Variants in RBFOX1 observed in about 807,000 individuals in gnomAD.
RBFOX1 encodes RNA binding fox-1 homolog 1, also known as RNA binding protein fox-1 homolog 1.
A neutral mutation model predicts 57.7 loss-of-function variants in RBFOX1; 8 were observed. The ratio of observed to expected loss-of-function variants is 0.14; its 90% confidence interval spans 0.08 to 0.25. RBFOX1 has a LOEUF of 0.25. RBFOX1 is among the 10% of genes least tolerant of loss of function. RBFOX1 has a pLI of 1.00. For missense variants in RBFOX1, 611 were observed against 548.5 expected, an observed-to-expected ratio of 1.11 and a Z score of -1.14; for synonymous variants, 326 against 222.4, an observed-to-expected ratio of 1.47 and a Z score of -4.15.
chr16:5,261,556 T>G (rs1433795664), intron 1 of RBFOX1, among the ~76,000 whole-genome samples: 1 of 149,880 alleles, frequency 6.7e-6, no homozygotes, highest in Non-Finnish European at 1.5e-5. Flanking sequence ...ATGGTTTTTT[T>G]TTTTTTTTTT....
chr16:6,312,669 C>G (rs895398193), intron 1 of RBFOX1, among the ~76,000 whole-genome samples: 2 of 120,776 alleles, frequency 1.7e-5, no homozygotes, highest in Admixed American at 8.0e-5. Flanking sequence ...TCCTTCCTTC[C>G]TTCCTTCCTT....
At chr16:6,307,548 CATT>C (rs2079665811) in intron 1 of RBFOX1, among the ~76,000 whole-genome samples, 2 of 145,966 alleles carry the variant, frequency 1.4e-5, no homozygotes, top group South Asian at 2.2e-4. Context: ...TATATTAAGT[CATT>C]ATATAATATC....
chr16:7,333,145 T>C (rs971628399), intron 4 of RBFOX1: 61 of 1,520,604 alleles, frequency 4.0e-5, no homozygotes, highest in Non-Finnish European at 4.5e-5. Flanking sequence ...AGAGTAATAA[T>C]TGGAATTTTT....
At chr16:6,479,299 G>T (rs2095332622) in intron 2 of RBFOX1, among the ~76,000 whole-genome samples, 1 of 152,196 alleles carries the variant, frequency 6.6e-6, no homozygotes, top group Non-Finnish European at 1.5e-5. Flanking sequence ...GCAGGTGAGA[G>T]AGAGCCAGAA....
intron 3 of RBFOX1, among the ~76,000 whole-genome samples, chr16:6,800,013 C>G (rs78642627): frequency 3.3e-5 from 5 of 152,256 alleles, no homozygotes; most frequent in Admixed American, 3.3e-4. Flanking sequence ...CCTATTAGTT[C>G]TGTCCCTCTG....
chr16:7,555,007 A>G (rs1173637890), intron 5 of RBFOX1, among the ~76,000 whole-genome samples: 1 of 152,182 alleles, frequency 6.6e-6, no homozygotes, highest in Non-Finnish European at 1.5e-5. Flanking sequence ...AGTATTGCAT[A>G]TTTATAAAAT....
At chr16:5,735,722 C>A (rs1487606381) in intron 3 of RBFOX1, among the ~76,000 whole-genome samples, 2 of 152,016 alleles carry the variant, frequency 1.3e-5, no homozygotes, top group Admixed American at 6.6e-5. Context: ...CATGGTGAAA[C>A]CCTGTTTAGC....
At chr16:5,776,998 A>G (rs1032650696) in intron 3 of RBFOX1, among the ~76,000 whole-genome samples, 2 of 152,222 alleles carry the variant, frequency 1.3e-5, no homozygotes, top group Non-Finnish European at 2.9e-5. Flanking sequence ...AAGTGCAGTT[A>G]TGGCCACCAT....
In RBFOX1 at chr16:6,780,035, TTA is replaced by T. The variant is rs1244891508; in HGVS notation, c.-16+125393_-16+125394del. Among the ~76,000 whole-genome samples the T allele has an allele frequency of 6.8e-4, 19 of 27,984 alleles. 3 individuals are homozygous for T. Among genetic ancestry groups the T allele is most frequent in the African/African-American group, 3.2e-3 (16 of 4,962 alleles). 18.4% of individuals were successfully genotyped at this position (27,984 alleles called of 152,430 possible). ...TATATATTTATATATTTATATATAT[TTA>T]TATATATTTACATATTTATATATAT... is the stretch of plus-strand genomic sequence containing the variant. On this transcript the variant is annotated intron_variant, in intron 3 of 15. Transcript: ENST00000550418.
intron 4 of RBFOX1, among the ~76,000 whole-genome samples, chr16:7,477,076 T>G (rs918677447): frequency 6.6e-6 from 1 of 152,154 alleles, no homozygotes; most frequent in Non-Finnish European, 1.5e-5. Flanking sequence ...AGTTTCTTTA[T>G]TTTCCTTCCC....
chr16:5,788,685 C>G (rs1166219398), intron 3 of RBFOX1, among the ~76,000 whole-genome samples: 3 of 152,024 alleles, frequency 2.0e-5, no homozygotes, highest in Non-Finnish European at 4.4e-5. Context: ...AAAGATAGGC[C>G]TTATTTAGCA....
At chr16:6,172,052 A>T (rs1054848256) in intron 1 of RBFOX1, among the ~76,000 whole-genome samples, 12 of 151,884 alleles carry the variant, frequency 7.9e-5, no homozygotes, top group Admixed American at 6.6e-5. Flanking sequence ...CGATCTCCTG[A>T]CCTCATGATA....
chr16:5,485,345 C>CTCAAA (rs2069692090), intron 2 of RBFOX1, among the ~76,000 whole-genome samples: 2 of 51,692 alleles, frequency 3.9e-5, no homozygotes, highest in African/African-American at 1.4e-4. Context: ...GACTCCGTGT[C>CTCAAA]AAAAAAAAAA....
chr16:7,121,409 A>T (rs1337208405), intron 4 of RBFOX1, among the ~76,000 whole-genome samples: 2 of 152,170 alleles, frequency 1.3e-5, no homozygotes, highest in African/African-American at 4.8e-5. Context: ...AATATCAATC[A>T]TATATCTATA....
chr16:6,857,454 A>G (rs141422012), intron 3 of RBFOX1, among the ~76,000 whole-genome samples: 14 of 152,254 alleles, frequency 9.2e-5, no homozygotes, highest in Admixed American at 5.9e-4. Flanking sequence ...CCATTTTTCT[A>G]TTTACATGGT....
intron 3 of RBFOX1, among the ~76,000 whole-genome samples, chr16:5,618,101 C>G (rs1834745642): frequency 6.6e-6 from 1 of 152,174 alleles, no homozygotes; most frequent in African/African-American, 2.4e-5. Flanking sequence ...CCACTCAGAT[C>G]ATGATGTAAA....
At chr16:5,917,857 G>A (rs1348828255) in intron 4 of RBFOX1, among the ~76,000 whole-genome samples, 1 of 152,120 alleles carries the variant, frequency 6.6e-6, no homozygotes, top group Non-Finnish European at 1.5e-5. Context: ...GCAGGGTCTA[G>A]CCCCTGGTCC....
At chr16:6,663,271 G>T (rs184573637) in intron 3 of RBFOX1, among the ~76,000 whole-genome samples, 1 of 152,110 alleles carries the variant, frequency 6.6e-6, no homozygotes, top group East Asian at 1.9e-4. Context: ...TGTCACAGAC[G>T]GCTCAGCTTA....
chr16:6,593,212 A>T (rs1017190846), intron 2 of RBFOX1, among the ~76,000 whole-genome samples: 1 of 152,136 alleles, frequency 6.6e-6, no homozygotes, highest in Non-Finnish European at 1.5e-5. Flanking sequence ...AATAAAAAAG[A>T]GAGTGGAGAT....
Sources: allele counts gnomAD v4.1 joint callset (sites outside exome capture counted in the v4.1 genomes callset), GRCh38; gene constraint gnomAD v4.1.1; transcripts MANE v1.5; gene names NCBI Gene and HGNC (gene_info 2026-07-23, HGNC 2026-07-21).